The following CDYL2 variants were observed in gnomAD, a reference collection of about 807,000 sequenced individuals.
CDYL2 encodes chromodomain Y-like protein 2.
A neutral mutation model predicts 49.4 loss-of-function variants in CDYL2; 23 were observed. The ratio of observed to expected loss-of-function variants is 0.47; its 90% CI spans 0.34 to 0.66. The LOEUF (loss-of-function observed/expected upper bound fraction) is 0.66. Among genes scored for constraint, CDYL2 ranks in the 30% least tolerant of loss-of-function variants. The pLI is 0.01. For missense variants in CDYL2, 678 were observed against 656.4 expected, an observed-to-expected ratio of 1.03 and a Z score of -0.36; for synonymous variants, 360 against 268.8, an observed-to-expected ratio of 1.34 and a Z score of -3.32.
chr16:80,615,371 G>C (rs1906783237), intron 4 of CDYL2, among the ~76,000 whole-genome samples: 1 of 152,142 alleles, frequency 6.6e-6, no homozygotes, highest in South Asian at 2.1e-4. Flanking sequence ...TCCCATTCCT[G>C]AGTGACCTCA....
intron 1 of CDYL2, among the ~76,000 whole-genome samples, chr16:80,686,632 T>G (rs1169369830): frequency 2.0e-5 from 3 of 152,218 alleles, no homozygotes; most frequent in African/African-American, 7.2e-5. Context: ...GTGTTTGAAT[T>G]TTAGTATGTT....
chr16:80,698,759 G>C (rs192290231), intron 1 of CDYL2, among the ~76,000 whole-genome samples: 6 of 152,040 alleles, frequency 3.9e-5, no homozygotes, highest in African/African-American at 1.5e-4. Context: ...TGCCATGATT[G>C]TAAGTTTCCT....
At chr16:80,652,642 G>T (rs1432526804) in intron 2 of CDYL2, among the ~76,000 whole-genome samples, 1 of 152,180 alleles carries the variant, frequency 6.6e-6, no homozygotes, top group African/African-American at 2.4e-5. Flanking sequence ...GGAGAAACCT[G>T]ACACGCATAC....
chr16:80,599,666 G>A lies in CDYL2; in HGVS notation c.*4722C>T, dbSNP rs540575687. On this transcript the variant is annotated 3_prime_UTR_variant, in exon 7 of 7. Coordinates refer to ENST00000570137, the MANE Select transcript of CDYL2 (RefSeq NM_152342.4). Reference sequence around the variant, plus strand: ...GGTAAACTTTGTTAACATCTCTCAGGGAGTGCTGACCTTACCCAGAATGGA... The same window carrying A: ...GGTAAACTTTGTTAACATCTCTCAGAGAGTGCTGACCTTACCCAGAATGGA... The A allele has an allele frequency of 1.3e-5, 2 of 152,124 alleles. No individual in the cohort carries two copies. The highest frequency in any genetic ancestry group is 2.4e-5 in the African/African-American group (1 of 41,412). The allele number at this position is 152,124 out of a possible 1,614,324, so 9.4% of individuals were successfully genotyped here. A position where few individuals can be genotyped will look rare whatever the true frequency, so the allele number is the denominator to read the frequency against.
chr16:80,796,220 C>T (rs1487521182), intron 1 of CDYL2, among the ~76,000 whole-genome samples: 1 of 152,188 alleles, frequency 6.6e-6, no homozygotes, highest in East Asian at 1.9e-4. Context: ...TTCAGGGAAG[C>T]CTCAGTTCTA....
At chr16:80,776,116 G>C (rs1366311287) in intron 1 of CDYL2, among the ~76,000 whole-genome samples, 1 of 151,946 alleles carries the variant, frequency 6.6e-6, no homozygotes, top group East Asian at 1.9e-4. Context: ...TAATTCTTCA[G>C]TAAAAGAGCA....
At chr16:80,652,569 C>T (rs187662230) in intron 2 of CDYL2, among the ~76,000 whole-genome samples, 11 of 152,312 alleles carry the variant, frequency 7.2e-5, no homozygotes, top group East Asian at 5.8e-4. Context: ...GTGAGCACCA[C>T]GCACAGTGAC....
At chr16:80,658,801 C>A (rs1422539690) in intron 2 of CDYL2, among the ~76,000 whole-genome samples, 1 of 152,042 alleles carries the variant, frequency 6.6e-6, no homozygotes, top group Admixed American at 6.6e-5. Flanking sequence ...ACAAGGGCTC[C>A]TAGAGAAATG....
chr16:80,681,693 G>A (rs188835237), intron 2 of CDYL2, among the ~76,000 whole-genome samples: 7 of 152,312 alleles, frequency 4.6e-5, no homozygotes, highest in Non-Finnish European at 5.9e-5. Context: ...CACAGAAGAC[G>A]TCATTGTGGG....
chr16:80,741,305 C>A (rs1464605278), intron 1 of CDYL2, among the ~76,000 whole-genome samples: 6 of 151,472 alleles, frequency 4.0e-5, no homozygotes, highest in Non-Finnish European at 8.8e-5. Flanking sequence ...TACCTTATAT[C>A]ATTAACCAAC....
At chr16:80,697,233 G>C (rs1224028650) in intron 1 of CDYL2, among the ~76,000 whole-genome samples, 3 of 152,240 alleles carry the variant, frequency 2.0e-5, no homozygotes, top group African/African-American at 7.2e-5. Flanking sequence ...CCATAATCAA[G>C]TGGGATTTAT....
intron 4 of CDYL2, among the ~76,000 whole-genome samples, chr16:80,619,871 C>T (rs970277103): frequency 6.6e-6 from 1 of 152,202 alleles, no homozygotes; most frequent in Non-Finnish European, 1.5e-5. Context: ...CCCCTCAAAG[C>T]CCCCTATAGC....
At chr16:80,781,821 C>T (rs1400714130) in intron 1 of CDYL2, among the ~76,000 whole-genome samples, 3 of 151,958 alleles carry the variant, frequency 2.0e-5, no homozygotes. Flanking sequence ...AAAAAAATCA[C>T]AAGGTAACTT....
At chr16:80,766,485 T>C (rs2142389566) in intron 1 of CDYL2, among the ~76,000 whole-genome samples, 2 of 152,332 alleles carry the variant, frequency 1.3e-5, no homozygotes, top group South Asian at 4.1e-4. Context: ...CCGGGGTTGG[T>C]TGTGAAAATA....
At chr16:80,642,134 A>T (rs1019606876) in intron 2 of CDYL2, among the ~76,000 whole-genome samples, 3 of 152,192 alleles carry the variant, frequency 2.0e-5, no homozygotes, top group African/African-American at 7.2e-5. Flanking sequence ...CAGGGGGATG[A>T]AGTTAAGGTA....
At chr16:80,731,082 C>A (rs115337959) in intron 1 of CDYL2, among the ~76,000 whole-genome samples, 3,452 of 152,148 alleles carry the variant, frequency 0.023, 111 homozygotes, top group African/African-American at 0.079. Flanking sequence ...AAATGTTATG[C>A]TTTAAATATG....
At chr16:80,677,437 T>A (rs1909797403) in intron 2 of CDYL2, among the ~76,000 whole-genome samples, 1 of 151,990 alleles carries the variant, frequency 6.6e-6, no homozygotes. Flanking sequence ...TACCCATCTA[T>A]CAATAAACAA....
chr16:80,707,589 A>G (rs1904450179), intron 1 of CDYL2, among the ~76,000 whole-genome samples: 1 of 152,180 alleles, frequency 6.6e-6, no homozygotes, highest in Admixed American at 6.5e-5. Context: ...AGAGCATCAA[A>G]TGGGTCAGAA....
chr16:80,794,066 C>A (rs1907692017), intron 1 of CDYL2, among the ~76,000 whole-genome samples: 1 of 152,180 alleles, frequency 6.6e-6, no homozygotes, highest in African/African-American at 2.4e-5. Flanking sequence ...AGTTTGAAAT[C>A]AGAGAAGGAA....
Sources: gnomAD v4.1 joint callset for allele counts (sites outside exome capture counted in the v4.1 genomes callset) on GRCh38, gnomAD v4.1.1 for gene constraint, MANE v1.5 for transcripts, NCBI Gene and HGNC (gene_info 2026-07-23, HGNC 2026-07-21) for gene names.